Variants in CAMK2D observed in about 807,000 individuals in gnomAD.
CAMK2D encodes the protein calcium/calmodulin-dependent protein kinase type II subunit delta.
CAMK2D carries 37 observed loss-of-function variants against 84.0 expected under a neutral mutation model. The observed-to-expected ratio is 0.44, with a 90% CI of 0.34 to 0.58. The LOEUF is 0.58. Among genes scored for constraint, CAMK2D ranks in the 20% least tolerant of loss-of-function variants. The pLI, the probability that CAMK2D is intolerant of heterozygous loss-of-function variation, is 0.02. For missense variants in CAMK2D, 448 were observed against 652.5 expected (o/e 0.69, Z 3.41); for synonymous variants, 202 against 212.5 (o/e 0.95, Z 0.43).
intron 3 of CAMK2D, among the ~76,000 whole-genome samples, chr4:113,627,086 T>C (rs916912): frequency 0.093 from 14,165 of 152,168 alleles, 1,992 homozygotes; most frequent in African/African-American, 0.3. Flanking sequence ...TGTAAAATTC[T>C]TATTATTTCC....
chr4:113,521,829 G>C (rs746703212), intron 8 of CAMK2D, among the ~76,000 whole-genome samples: 5 of 152,112 alleles, frequency 3.3e-5, no homozygotes, highest in African/African-American at 4.8e-5. Context: ...ATTTGGTTAA[G>C]ATAATATTGG....
intron 2 of CAMK2D, among the ~76,000 whole-genome samples, chr4:113,726,343 C>T (rs1435070854): frequency 6.7e-6 from 1 of 149,852 alleles, no homozygotes; most frequent in Non-Finnish European, 1.5e-5. Flanking sequence ...TTTCTGACTG[C>T]CTCCACATAA....
At chr4:113,656,309 C>A (rs1342157899) in intron 3 of CAMK2D, among the ~76,000 whole-genome samples, 1 of 152,028 alleles carries the variant, frequency 6.6e-6, no homozygotes, top group Admixed American at 6.6e-5. Flanking sequence ...ATTTGTTGAG[C>A]CAAAAGATGC....
At position 113,451,480 on chromosome 4, in the gene CAMK2D, A is replaced by G. The variant is rs755028386; in HGVS notation, c.*3065T>C. ...CTCACAATATCTTTATTAAGTTGGT[A>G]TGTTTATTCTCATTTTACAAATATG... On this transcript the variant is annotated 3_prime_UTR_variant, in exon 21 of 21. Transcript: ENST00000511664. 1 of 152,144 alleles carries G rather than the reference A, an allele frequency of 6.6e-6. No homozygotes were observed. The highest frequency in any genetic ancestry group is 2.4e-5 in the African/African-American group (1 of 41,438). The allele number at this position is 152,144 out of a possible 1,614,324, so 9.4% of individuals were successfully genotyped here. A position where few individuals can be genotyped will look rare whatever the true frequency, so the allele number is the denominator to read the frequency against.
Position 113,502,649 on chromosome 4 carries a change from G to C in CAMK2D, c.1086+287C>G, listed in dbSNP as rs1185834863. ...AAAGTCATGGGGAAAAAAATGACCA[G>C]ATGGAATTGCTTAAGACACACAGTC... On this transcript the variant is annotated intron_variant, in intron 15 of 20. Coordinates refer to ENST00000511664, the MANE Select transcript of CAMK2D (RefSeq NM_001321571.2). Among the ~76,000 whole-genome samples the C allele has an allele frequency of 5.3e-5, 8 of 152,156 alleles. No individual in the cohort carries two copies. The East Asian group carries it at 1.5e-3, about 29-fold the overall frequency.
At chr4:113,549,880 A>C (rs181279427) in intron 5 of CAMK2D, among the ~76,000 whole-genome samples, 1 of 152,318 alleles carries the variant, frequency 6.6e-6, no homozygotes, top group African/African-American at 2.4e-5. Context: ...CAATACCACT[A>C]AAAGCGTCTC....
At chr4:113,580,704 C>G (rs1278133575) in intron 4 of CAMK2D, among the ~76,000 whole-genome samples, 1 of 152,052 alleles carries the variant, frequency 6.6e-6, no homozygotes, top group Non-Finnish European at 1.5e-5. Flanking sequence ...GGCTTATTAT[C>G]TGTAAAATCA....
At chr4:113,634,976 C>T (rs1465125024) in intron 3 of CAMK2D, among the ~76,000 whole-genome samples, 1 of 152,156 alleles carries the variant, frequency 6.6e-6, no homozygotes, top group African/African-American at 2.4e-5. Context: ...CAGCTCAACC[C>T]TGAAATATCA....
chr4:113,637,224 A>G (rs1220091196), intron 3 of CAMK2D, among the ~76,000 whole-genome samples: 1 of 152,252 alleles, frequency 6.6e-6, no homozygotes, highest in East Asian at 1.9e-4. Context: ...ACAGGTGTAC[A>G]GAAGAGTACC....
At chr4:113,547,750 C>G in intron 5 of CAMK2D, 34 bp from the exon 6 acceptor site, 1 of 1,394,274 alleles carries the variant, frequency 7.2e-7, no homozygotes, top group Non-Finnish European at 9.8e-7. Context: ...TGTGTTAGTT[C>G]CAAGCTTACA....
chr4:113,725,453 G>T (rs907454142), intron 2 of CAMK2D, among the ~76,000 whole-genome samples: 1 of 151,924 alleles, frequency 6.6e-6, no homozygotes, highest in Non-Finnish European at 1.5e-5. Flanking sequence ...AAAAGTGAAC[G>T]CACTCTGTTC....
intron 4 of CAMK2D, among the ~76,000 whole-genome samples, chr4:113,602,789 C>A (rs1256998034): frequency 6.6e-6 from 1 of 152,118 alleles, no homozygotes; most frequent in East Asian, 1.9e-4. Context: ...TAATAAACGT[C>A]TGTTTGTTTG....
chr4:113,581,513 T>TAAAAAAAAAAAAA (rs777730996), intron 4 of CAMK2D, among the ~76,000 whole-genome samples: 1 of 34,314 alleles, frequency 2.9e-5, no homozygotes, highest in African/African-American at 6.2e-5. Flanking sequence ...AACTTTCTCA[T>TAAAAAAAAAAAAA]AAAAAAAAAA....
intron 4 of CAMK2D, among the ~76,000 whole-genome samples, chr4:113,590,442 C>G (rs1027224896): frequency 1.3e-5 from 2 of 152,100 alleles, no homozygotes; most frequent in African/African-American, 4.8e-5. Flanking sequence ...CCCCATCCTC[C>G]CTTTTAACAA....
chr4:113,526,879 A>G (rs1332643739), intron 8 of CAMK2D, among the ~76,000 whole-genome samples: 1 of 150,774 alleles, frequency 6.6e-6, no homozygotes, highest in Non-Finnish European at 1.5e-5. Context: ...GCATTTTGAT[A>G]GAAAGGCATA....
chr4:113,682,362 A>G (rs1233084599), intron 2 of CAMK2D, among the ~76,000 whole-genome samples: 1 of 152,096 alleles, frequency 6.6e-6, no homozygotes, highest in Admixed American at 6.5e-5. Context: ...ATTTTAATTT[A>G]TTAAAAAGTC....
Position 113,514,605 on chromosome 4 carries a change from C to T in CAMK2D, c.819+464G>A, listed in dbSNP as rs751957800. Reference sequence around the variant, plus strand: ...CTCCAGATCCCCCTCAAATTTCACACTATTCTTCTTAATATTTCTAAAATA... The same window carrying T: ...CTCCAGATCCCCCTCAAATTTCACATTATTCTTCTTAATATTTCTAAAATA... On this transcript the variant is annotated intron_variant, in intron 10 of 20. Coordinates refer to ENST00000511664, the MANE Select transcript of CAMK2D (RefSeq NM_001321571.2). Among the ~76,000 whole-genome samples, 11 of 152,272 alleles carry T rather than the reference C, an allele frequency of 7.2e-5. 1 individual carries two copies. In the South Asian group the frequency reaches 1.4e-3, roughly 20 times the overall value.
intron 3 of CAMK2D, among the ~76,000 whole-genome samples, chr4:113,634,996 G>A (rs1181620168): frequency 6.6e-6 from 1 of 152,114 alleles, no homozygotes; most frequent in African/African-American, 2.4e-5. Flanking sequence ...AGAGCAAGGC[G>A]GCAATGTAAT....
At chr4:113,543,982 G>A (rs983503813) in intron 6 of CAMK2D, among the ~76,000 whole-genome samples, 1 of 151,850 alleles carries the variant, frequency 6.6e-6, no homozygotes, top group Non-Finnish European at 1.5e-5. Context: ...TAGTAGTGAC[G>A]GGGTTTCACC....
Sources: allele counts gnomAD v4.1 joint callset (sites outside exome capture counted in the v4.1 genomes callset), GRCh38; gene constraint gnomAD v4.1.1; transcripts MANE v1.5; gene names NCBI Gene and HGNC (gene_info 2026-07-23, HGNC 2026-07-21).